The following LRMDA variants were observed in gnomAD, a reference collection of about 807,000 sequenced individuals.
The protein encoded by LRMDA is leucine rich melanocyte differentiation associated, also known as leucine-rich melanocyte differentiation-associated protein.
A neutral mutation model predicts 29.8 loss-of-function variants in LRMDA; 18 were observed. That is an observed-to-expected ratio of 0.60 (90% CI 0.42 to 0.90). LRMDA has a LOEUF of 0.90. Ranked by LOEUF, LRMDA falls within the 40% of genes least tolerant of loss-of-function variation. The probability of loss-of-function intolerance (pLI) is 0.00; values close to 1 mark genes in which losing one functional copy is unlikely to be tolerated. For synonymous variants in LRMDA, 125 were observed against 109.4 expected, an observed-to-expected ratio of 1.14 and a Z score of -0.89; for missense variants, 273 against 273.9, an observed-to-expected ratio of 1.00 and a Z score of 0.02.
chr10:75,845,210 G>GT (rs35085434), intron 2 of LRMDA, among the ~76,000 whole-genome samples: 6 of 150,716 alleles, frequency 4.0e-5, no homozygotes, highest in African/African-American at 9.8e-5. Context: ...TGAGCCACAG[G>GT]TTTTTTTTTT....
At position 75,625,370 on chromosome 10, in the gene LRMDA, A is replaced by G. The variant is rs536463172; in HGVS notation, c.131+186876A>G. 6.6e-5 allele frequency among the ~76,000 whole-genome samples: 10 copies of G among 152,288 alleles called. No homozygotes were observed. In the South Asian group the frequency reaches 1.5e-3, roughly 22 times the overall value. ...AGGTGACTTGTCCAACTGATAGGAG[A>G]CACAGGATTCAAATCAAGGCCATAA... On this transcript the variant is annotated intron_variant, in intron 2 of 6. Coordinates refer to ENST00000611255, the MANE Select transcript of LRMDA (RefSeq NM_001305581.2).
intron 2 of LRMDA, among the ~76,000 whole-genome samples, chr10:75,937,026 G>T (rs1564611812): frequency 6.6e-6 from 1 of 152,080 alleles, no homozygotes; most frequent in African/African-American, 2.4e-5. Flanking sequence ...TCTGTTTACT[G>T]GGTAAAAATG....
chr10:75,984,742 C>T (rs767673281), intron 2 of LRMDA, among the ~76,000 whole-genome samples: 13 of 152,166 alleles, frequency 8.5e-5, no homozygotes, highest in African/African-American at 2.9e-4. Context: ...CCTGGGGATG[C>T]GTTTTGCATT....
chr10:76,055,945 G>C (rs535162220), intron 4 of LRMDA, among the ~76,000 whole-genome samples: 10 of 152,350 alleles, frequency 6.6e-5, no homozygotes, highest in African/African-American at 2.2e-4. Flanking sequence ...TGTGGCGAGT[G>C]GGGGGACATG....
At chr10:76,443,409 T>C (rs1420144666) in intron 6 of LRMDA, among the ~76,000 whole-genome samples, 3 of 152,234 alleles carry the variant, frequency 2.0e-5, no homozygotes, top group African/African-American at 7.2e-5. Flanking sequence ...GGCTGTCATC[T>C]AGAATTCACA....
At chr10:75,449,178 C>T (rs547283971) in intron 2 of LRMDA, among the ~76,000 whole-genome samples, 46 of 149,666 alleles carry the variant, frequency 3.1e-4, no homozygotes, top group Non-Finnish European at 6.2e-4. Context: ...AAAAAGAAGT[C>T]GTGTTTATTT....
chr10:75,878,375 G>C (rs1046321081), intron 2 of LRMDA, among the ~76,000 whole-genome samples: 1 of 151,910 alleles, frequency 6.6e-6, no homozygotes, highest in Admixed American at 6.6e-5. Context: ...GGAGCCAGAA[G>C]GGGGGCATGG....
chr10:76,187,165 A>C (rs1356076885), intron 5 of LRMDA, among the ~76,000 whole-genome samples: 1 of 152,138 alleles, frequency 6.6e-6, no homozygotes, highest in Non-Finnish European at 1.5e-5. Flanking sequence ...GTCACATCTA[A>C]AAGGACACTA....
intron 4 of LRMDA, among the ~76,000 whole-genome samples, chr10:76,055,845 A>T (rs1024069855): frequency 6.6e-6 from 1 of 152,216 alleles, no homozygotes; most frequent in South Asian, 2.1e-4. Flanking sequence ...ACAGAGCCCC[A>T]AAGAGGGTGT....
intron 2 of LRMDA, among the ~76,000 whole-genome samples, chr10:75,757,024 T>C (rs940161896): frequency 1.3e-5 from 2 of 152,202 alleles, no homozygotes; most frequent in African/African-American, 2.4e-5. Context: ...ATTTTAACTA[T>C]TGATGGTTTC....
At chr10:76,222,965 A>G (rs1241012726) in intron 5 of LRMDA, among the ~76,000 whole-genome samples, 3 of 152,172 alleles carry the variant, frequency 2.0e-5, no homozygotes, top group African/African-American at 7.2e-5. Context: ...TGTCCTTTGT[A>G]GGGACATAGA....
intron 6 of LRMDA, among the ~76,000 whole-genome samples, chr10:76,379,046 T>C (rs533068366): frequency 6.6e-6 from 1 of 151,816 alleles, no homozygotes; most frequent in African/African-American, 2.4e-5. Flanking sequence ...TAGTAGAGAT[T>C]GGGTTTCACC....
intron 2 of LRMDA, among the ~76,000 whole-genome samples, chr10:75,592,542 T>C: frequency 6.6e-6 from 1 of 152,006 alleles, no homozygotes; most frequent in East Asian, 1.9e-4. Flanking sequence ...GGGGAGAGGG[T>C]CACCTCCTTT....
intron 2 of LRMDA, among the ~76,000 whole-genome samples, chr10:75,473,624 A>T (rs982545943): frequency 2.6e-5 from 4 of 152,128 alleles, no homozygotes; most frequent in African/African-American, 9.7e-5. Flanking sequence ...AGCTCCATGG[A>T]TGTTTGTTAC....
intron 6 of LRMDA, among the ~76,000 whole-genome samples, chr10:76,486,300 T>G (rs1842781715): frequency 6.6e-6 from 1 of 151,946 alleles, no homozygotes; most frequent in Non-Finnish European, 1.5e-5. Context: ...CACAGCCTTT[T>G]CTATATTCCC....
At chr10:75,928,593 G>A (rs1037460788) in intron 2 of LRMDA, among the ~76,000 whole-genome samples, 1 of 152,170 alleles carries the variant, frequency 6.6e-6, no homozygotes, top group Non-Finnish European at 1.5e-5. Context: ...CATATACCGC[G>A]AGGGTAGTTA....
intron 6 of LRMDA, among the ~76,000 whole-genome samples, chr10:76,328,909 A>G (rs902187054): frequency 6.6e-6 from 1 of 152,186 alleles, no homozygotes; most frequent in African/African-American, 2.4e-5. Context: ...TAATGGAAGG[A>G]ATTAGAGGTG....
Position 76,335,048 on chromosome 10 carries a change from G to C in LRMDA, c.601+10563G>C, listed in dbSNP as rs548912410. Among the ~76,000 whole-genome samples the C allele has an allele frequency of 2.7e-4, 41 of 152,314 alleles. 1 individual carries two copies. The South Asian group carries it at 3.1e-3, about 12-fold the overall frequency. ...ACTGAGTTGAAAGAACTTTCCCTGC[G>C]TGAGTTCCAAGTGTGAAAGGATTTA... is the stretch of plus-strand genomic sequence containing the variant. On this transcript the variant is annotated intron_variant, in intron 6 of 6. Coordinates refer to ENST00000611255, the MANE Select transcript of LRMDA (RefSeq NM_001305581.2).
At chr10:75,920,702 G>T (rs1228812843) in intron 2 of LRMDA, among the ~76,000 whole-genome samples, 1 of 152,112 alleles carries the variant, frequency 6.6e-6, no homozygotes, top group African/African-American at 2.4e-5. Flanking sequence ...CTAGCACAAA[G>T]AGCAAAAACA....
Sources: gnomAD v4.1 joint callset for allele counts (sites outside exome capture counted in the v4.1 genomes callset) on GRCh38, gnomAD v4.1.1 for gene constraint, MANE v1.5 for transcripts, NCBI Gene and HGNC (gene_info 2026-07-23, HGNC 2026-07-21) for gene names.